ZNF529: variants seen among roughly 807,000 people sequenced by gnomAD.
The protein encoded by ZNF529 is zinc finger protein 529.
In ZNF529, 11 loss-of-function variants were observed where a neutral mutation model predicts 10.1. That is an observed-to-expected ratio of 1.09 (90% CI 0.69 to 1.81). ZNF529 has a LOEUF of 1.81. Among genes scored for constraint, ZNF529 ranks in the 40% most tolerant of loss-of-function variants. ZNF529 has a pLI of 0.00. For synonymous variants in ZNF529, 204 were observed against 215.7 expected, an observed-to-expected ratio of 0.95 and a Z score of 0.47; for missense variants, 624 against 666.8, an observed-to-expected ratio of 0.94 and a Z score of 0.71.
At chr19:36,552,056 T>C (rs1384713460) in intron 4 of ZNF529, 1 of 152,160 alleles carries the variant, frequency 6.6e-6, no homozygotes, top group Non-Finnish European at 1.5e-5. Flanking sequence ...CAAGATGAAC[T>C]GGAAAACAGT....
chr19:36,594,045 T>A (rs1289664725), intron 1 of ZNF529: 1 of 152,108 alleles, frequency 6.6e-6, no homozygotes, highest in Non-Finnish European at 1.5e-5. Context: ...GACAGCAAGT[T>A]TCTGGCCCAT....
rs776973105 is a variant in ZNF529, at chr19:36,547,661, T to G, written c.897A>C (p.Arg299=). 6.2e-7 allele frequency: 1 copy of G among 1,613,882 alleles called. No individual in the cohort carries two copies. Among genetic ancestry groups the G allele is most frequent in the East Asian group, 2.2e-5 (1 of 44,860 alleles). Reference sequence around the variant, plus strand: ...TCTCATCAGTATGGATTTTCTGATGTCGAGTAAGTTGTGCATGCACTCTAA... The same window carrying G: ...TCTCATCAGTATGGATTTTCTGATGGCGAGTAAGTTGTGCATGCACTCTAA... ...KSFRVHAQLT[R]HQKIHTDEKT... is the part of the protein sequence containing the mutation. Residue 299 remains arginine, a synonymous_variant, in exon 5 of 5, where the codon CGA becomes CGC. Coordinates refer to ENST00000591340, the MANE Select transcript of ZNF529 (RefSeq NM_020951.5).
chr19:36,560,460 T>C (rs1221979808), intron 2 of ZNF529, among the ~76,000 whole-genome samples: 1 of 152,094 alleles, frequency 6.6e-6, no homozygotes, highest in Admixed American at 6.6e-5. Flanking sequence ...AAAGTTGTAC[T>C]GGGCTAAGGA....
chr19:36,568,476 T>TTC (rs201722434), intron 2 of ZNF529, among the ~76,000 whole-genome samples: 27 of 134,090 alleles, frequency 2.0e-4, no homozygotes, highest in East Asian at 1.5e-3. Flanking sequence ...TTTTCTTTCT[T>TTC]TTTTTTTTTT....
intron 2 of ZNF529, among the ~76,000 whole-genome samples, chr19:36,568,790 G>T (rs1168441834): frequency 3.3e-5 from 5 of 152,114 alleles, no homozygotes; most frequent in African/African-American, 9.7e-5. Flanking sequence ...CATGTAAAAG[G>T]CTGCACAGCT....
In ZNF529 at chr19:36,556,638, G is replaced by A. The variant is rs528122052; in HGVS notation, c.15-441C>T. On this transcript the variant is annotated intron_variant, in intron 2 of 4. Coordinates refer to ENST00000591340, the MANE Select transcript of ZNF529 (RefSeq NM_020951.5). ...TTCCAACTGTTGTGTCCTGGCTCCC[G>A]GGGCAAGTGTTCCATGCCCAAACAG... 1.2e-4 allele frequency among the ~76,000 whole-genome samples: 19 copies of A among 152,308 alleles called. No homozygotes were observed. In the East Asian group the frequency reaches 2.7e-3, roughly 22 times the overall value.
chr19:36,599,570 G>A (rs1199919466), intron 1 of ZNF529, among the ~76,000 whole-genome samples: 3 of 152,252 alleles, frequency 2.0e-5, no homozygotes, highest in African/African-American at 7.2e-5. Context: ...AGGAAAAATT[G>A]AGAAGAATGT....
intron 2 of ZNF529, among the ~76,000 whole-genome samples, chr19:36,583,568 C>T (rs1001054666): frequency 2.0e-5 from 3 of 149,812 alleles, no homozygotes; most frequent in Non-Finnish European, 4.4e-5. Flanking sequence ...TTACAAACAA[C>T]GAGGAAATAA....
upstream of ZNF529, among the ~76,000 whole-genome samples, chr19:36,575,800 G>A (rs2036301368): frequency 6.6e-6 from 1 of 151,462 alleles, no homozygotes; most frequent in Admixed American, 6.6e-5. Context: ...GTTTAACCAC[G>A]TTATTATAGA....
chr19:36,579,964 A>G (rs1006958542), intron 2 of ZNF529, among the ~76,000 whole-genome samples: 3 of 152,184 alleles, frequency 2.0e-5, no homozygotes, highest in Non-Finnish European at 4.4e-5. Flanking sequence ...CAAACACATT[A>G]TATAGCAACA....
intron 4 of ZNF529, among the ~76,000 whole-genome samples, chr19:36,554,397 T>C (rs2035379263): frequency 6.6e-6 from 1 of 152,102 alleles, no homozygotes; most frequent in African/African-American, 2.4e-5. Flanking sequence ...GCCAACATGG[T>C]GAAACCCTGT....
At chr19:36,551,918 G>T (rs1005207921) in intron 4 of ZNF529, 2 of 152,128 alleles carry the variant, frequency 1.3e-5, no homozygotes, top group Admixed American at 1.3e-4. Context: ...TCAATTCCAT[G>T]AGAGCAGGGT....
At chr19:36,585,797 G>T (rs900715190) in intron 2 of ZNF529, among the ~76,000 whole-genome samples, 1 of 152,196 alleles carries the variant, frequency 6.6e-6, no homozygotes, top group African/African-American at 2.4e-5. Flanking sequence ...AGGGGACTCT[G>T]GTTTCTGGCC....
chr19:36,584,050 G>GGATC (rs1390522068), intron 2 of ZNF529, among the ~76,000 whole-genome samples: 8 of 151,864 alleles, frequency 5.3e-5, no homozygotes, highest in African/African-American at 1.9e-4. Context: ...TAATGAAAGT[G>GGATC]GATCTAACAC....
chr19:36,560,257 CAAAAAAAAAAAA>C (rs58196878), intron 2 of ZNF529, among the ~76,000 whole-genome samples: 1 of 104,382 alleles, frequency 9.6e-6, no homozygotes, highest in Admixed American at 1.1e-4. Context: ...AACTCCGTCT[CAAAAAAAAAAAA>C]AAAAAAAAAA....
At position 36,546,814 on chromosome 19, in the gene ZNF529, A is replaced by G. The variant is rs2035039593; in HGVS notation, c.*52T>C. ...CCTTGATTACCTATTAAATCCATCC[A>G]CAGTATTTTCCTGTGAAAATCAGAA... is the stretch of plus-strand genomic sequence containing the variant. On this transcript the variant is annotated 3_prime_UTR_variant, in exon 5 of 5. Coordinates refer to ENST00000591340, the MANE Select transcript of ZNF529 (RefSeq NM_020951.5). 2 of 1,541,036 alleles carry G rather than the reference A, an allele frequency of 1.3e-6. No individual in the cohort carries two copies. The highest frequency in any genetic ancestry group is 1.7e-6 in the Non-Finnish European group (2 of 1,144,380).
chr19:36,605,284 A>C (rs2037006427), upstream of ZNF529: 1 of 152,304 alleles, frequency 6.6e-6, no homozygotes, highest in Non-Finnish European at 1.5e-5. Flanking sequence ...GACTCCTGGG[A>C]GCTCAGGCCC....
intron 2 of ZNF529, among the ~76,000 whole-genome samples, chr19:36,570,360 C>CAAAAAA (rs58429405): frequency 1.8e-4 from 13 of 70,546 alleles, no homozygotes; most frequent in African/African-American, 3.9e-4. Context: ...GACCCTATCT[C>CAAAAAA]AAAAAAAAAA....
intron 4 of ZNF529, among the ~76,000 whole-genome samples, chr19:36,554,402 C>A (rs1389254527): frequency 6.6e-6 from 1 of 152,092 alleles, no homozygotes; most frequent in Non-Finnish European, 1.5e-5. Context: ...CATGGTGAAA[C>A]CCTGTCTCTA....
Sources: gnomAD v4.1 joint callset for allele counts (sites outside exome capture counted in the v4.1 genomes callset) on GRCh38, gnomAD v4.1.1 for gene constraint, MANE v1.5 for transcripts, NCBI Gene and HGNC (gene_info 2026-07-23, HGNC 2026-07-21) for gene names.